Variants in CACNA1A observed in about 807,000 individuals in gnomAD.
CACNA1A encodes the protein calcium voltage-gated channel subunit alpha1 A.
In CACNA1A, 57 loss-of-function variants were observed where a neutral mutation model predicts 262.4. The ratio of observed to expected loss-of-function variants is 0.22; its 90% confidence interval spans 0.18 to 0.27. The LOEUF is 0.27. Ranked by LOEUF, CACNA1A falls within the 10% of genes least tolerant of loss-of-function variation. The pLI, the probability that CACNA1A is intolerant of heterozygous loss-of-function variation, is 1.00. For synonymous variants in CACNA1A, 1,431 were observed against 1,419.3 expected (o/e 1.01, Z -0.18); for missense variants, 2,526 against 3,562.8 (o/e 0.71, Z 7.41).
At chr19:13,284,089 T>G (rs2057350209) in intron 21 of CACNA1A, 1 of 151,862 alleles carries the variant, frequency 6.6e-6, no homozygotes, top group Non-Finnish European at 1.5e-5. Flanking sequence ...AGCTGAGTGG[T>G]TAAGAACAAG....
intron 4 of CACNA1A, chr19:13,371,401 T>G: frequency 2.9e-6 from 1 of 346,364 alleles, no homozygotes; most frequent in Non-Finnish European, 5.3e-6. Context: ...TCCTATCAAC[T>G]TCATAGGGCT....
At chr19:13,242,196 A>C (rs1238014003) in intron 31 of CACNA1A, among the ~76,000 whole-genome samples, 1 of 152,214 alleles carries the variant, frequency 6.6e-6, no homozygotes, top group Non-Finnish European at 1.5e-5. Context: ...CATTCACAAT[A>C]ACAATAACAA....
intron 1 of CACNA1A, among the ~76,000 whole-genome samples, chr19:13,461,848 C>T (rs1268223284): frequency 1.3e-5 from 2 of 152,074 alleles, no homozygotes; most frequent in Non-Finnish European, 2.9e-5. Context: ...GAGAAGCATC[C>T]CTGATGGGAG....
intron 3 of CACNA1A, among the ~76,000 whole-genome samples, chr19:13,379,700 C>T (rs571616316): frequency 2.8e-4 from 42 of 152,000 alleles, no homozygotes; most frequent in African/African-American, 8.0e-4. Context: ...CCAAGGCTGG[C>T]GGATCACAAG....
At chr19:13,216,332 ATTT>A (rs932964723) in intron 38 of CACNA1A, among the ~76,000 whole-genome samples, 14 of 151,844 alleles carry the variant, frequency 9.2e-5, no homozygotes, top group African/African-American at 3.4e-4. Flanking sequence ...ATTTATTATT[ATTT>A]TTATTATTGT....
At chr19:13,242,720 C>G (rs1201282055) in intron 31 of CACNA1A, among the ~76,000 whole-genome samples, 1 of 152,332 alleles carries the variant, frequency 6.6e-6, no homozygotes, top group East Asian at 1.9e-4. Flanking sequence ...CTGTCTCCAG[C>G]ACTTATAATC....
At chr19:13,267,042 G>A (rs1474977112) in intron 24 of CACNA1A, among the ~76,000 whole-genome samples, 1 of 152,096 alleles carries the variant, frequency 6.6e-6, no homozygotes, top group Non-Finnish European at 1.5e-5. Flanking sequence ...GAAGCGACAG[G>A]ACAGCGGCAG....
rs11666294 is a variant in CACNA1A, at chr19:13,208,500, C to G, written c.6780+256G>C. Among the ~76,000 whole-genome samples the G allele has an allele frequency of 0.64, 91,396 of 143,844 alleles. 28,532 individuals are homozygous for G. Among genetic ancestry groups the G allele is most frequent in the East Asian group, 0.77 (3,680 of 4,804 alleles). 94.4% of individuals were successfully genotyped at this position (143,844 alleles called of 152,430 possible). Reference sequence around the variant, plus strand: ...TCAAATATGATCCACAACCGAGGAGCAAGCAGCTGCGGGCGGCGGGGAGGG... The same window carrying G: ...TCAAATATGATCCACAACCGAGGAGGAAGCAGCTGCGGGCGGCGGGGAGGG... On this transcript the variant is annotated intron_variant, in intron 46 of 46. Transcript: ENST00000360228.
intron 40 of CACNA1A, chr19:13,213,855 ATT>A: frequency 6.2e-6 from 1 of 161,956 alleles, no homozygotes; most frequent in Non-Finnish European, 1.3e-5. Context: ...AGCTAATTTT[ATT>A]TTTTTTTTGT....
At chr19:13,287,595 A>C (rs2057433176) in intron 19 of CACNA1A, among the ~76,000 whole-genome samples, 1 of 151,780 alleles carries the variant, frequency 6.6e-6, no homozygotes, top group Non-Finnish European at 1.5e-5. Flanking sequence ...TCTGGCTCCC[A>C]GGTTCAAGCG....
chr19:13,228,687 TG>T (rs1165972180), intron 36 of CACNA1A: 1 of 1,493,464 alleles, frequency 6.7e-7, no homozygotes, highest in Non-Finnish European at 9.2e-7. Context: ...CAGGTTTTAG[TG>T]GAAGTCAAAC....
At position 13,298,964 on chromosome 19, in the gene CACNA1A, T is replaced by C. The variant is rs2057731758; in HGVS notation, c.2669A>G (p.Glu890Gly). ...GCCGTAGGGTCCCTCCCGGCTCAGC[T>C]CGGCCTCCTGGCTTCCCGCCCAGGG... Reference protein sequence around the residue: ...RRPWAGSQEAELSREGPYGRE... With the variant: ...RRPWAGSQEAGLSREGPYGRE... Residue 890 changes from glutamate (E) to glycine (G), a missense_variant, in exon 19 of 47, where the codon GAG (glutamate) becomes GGG (glycine). Coordinates refer to ENST00000360228, the MANE Select transcript of CACNA1A (RefSeq NM_001127222.2). 6.9e-6 allele frequency: 11 copies of C among 1,586,668 alleles called. No homozygotes were observed. The highest frequency in any genetic ancestry group is 9.4e-6 in the Non-Finnish European group (11 of 1,174,072).
At chr19:13,443,223 T>C (rs186772582) in intron 3 of CACNA1A, among the ~76,000 whole-genome samples, 89 of 152,348 alleles carry the variant, frequency 5.8e-4, no homozygotes, top group Non-Finnish European at 8.4e-4. Context: ...GGTGTTCTGC[T>C]ATAAGCAACA....
At chr19:13,369,305 C>T (rs2059277084) in intron 4 of CACNA1A, among the ~76,000 whole-genome samples, 1 of 152,140 alleles carries the variant, frequency 6.6e-6, no homozygotes, top group African/African-American at 2.4e-5. Flanking sequence ...TATAGAAGTA[C>T]AAAAGGCCGG....
At chr19:13,459,486 G>T (rs1011007258) in intron 1 of CACNA1A, among the ~76,000 whole-genome samples, 1 of 152,192 alleles carries the variant, frequency 6.6e-6, no homozygotes, top group African/African-American at 2.4e-5. Flanking sequence ...AACAAAAGCC[G>T]GCCTTGCCGA....
chr19:13,492,830 C>T (rs548628771), intron 1 of CACNA1A, among the ~76,000 whole-genome samples: 1 of 152,218 alleles, frequency 6.6e-6, no homozygotes, highest in South Asian at 2.1e-4. Context: ...AGTAGGTGCT[C>T]AGTCAACATT....
At position 13,268,893 on chromosome 19, in the gene CACNA1A, CTTTTT is replaced by C. The variant is rs3050832; in HGVS notation, c.3990-6065_3990-6061del. 7.0e-3 allele frequency among the ~76,000 whole-genome samples: 753 copies of C among 107,896 alleles called. 3 individuals are homozygous for C. Among genetic ancestry groups the C allele is most frequent in the South Asian group, 0.03 (104 of 3,434 alleles). 70.8% of individuals were successfully genotyped at this position (107,896 alleles called of 152,430 possible). A position where few individuals can be genotyped will look rare whatever the true frequency, so the allele number is the denominator to read the frequency against. Reference sequence around the variant, plus strand: ...CATACGTAGAATCATATAGATTCTACTTTTTTTTTTTTTTTTTTTTTTTTTGATGG... The same window carrying C: ...CATACGTAGAATCATATAGATTCTACTTTTTTTTTTTTTTTTTTTTGATGG... On this transcript the variant is annotated intron_variant, in intron 24 of 46. Coordinates refer to ENST00000360228, the MANE Select transcript of CACNA1A (RefSeq NM_001127222.2).
chr19:13,433,047 G>A (rs1428696848), intron 3 of CACNA1A, among the ~76,000 whole-genome samples: 8 of 151,764 alleles, frequency 5.3e-5, no homozygotes, highest in Non-Finnish European at 7.4e-5. Context: ...TAATCCCAGC[G>A]CTTTGGGAGG....
intron 4 of CACNA1A, among the ~76,000 whole-genome samples, chr19:13,367,114 T>C (rs577927625): frequency 1.3e-5 from 2 of 151,666 alleles, no homozygotes; most frequent in Non-Finnish European, 2.9e-5. Context: ...GCCAACATGG[T>C]GAAACCCCAT....
Sources: allele counts gnomAD v4.1 joint callset (sites outside exome capture counted in the v4.1 genomes callset), GRCh38; gene constraint gnomAD v4.1.1; transcripts MANE v1.5; gene names NCBI Gene and HGNC (gene_info 2026-07-23, HGNC 2026-07-21).